Variants in GSDME observed in about 807,000 individuals in gnomAD.
The protein encoded by GSDME is gasdermin E.
GSDME carries 44 observed loss-of-function variants against 47.5 expected under a neutral mutation model. That is an observed-to-expected ratio of 0.93 (90% CI 0.73 to 1.19). The LOEUF is 1.19. GSDME is among the 50% of genes most tolerant of loss of function. GSDME has a pLI of 0.00. For synonymous variants in GSDME, 258 were observed against 252.8 expected (o/e 1.02, Z -0.20); for missense variants, 663 against 604.2 (o/e 1.10, Z -1.02).
At chr7:24,786,131 A>G in the GSDME span, among the ~76,000 whole-genome samples, 1 of 152,088 alleles carries the variant, frequency 6.6e-6, no homozygotes, top group South Asian at 2.1e-4. The surrounding 1 kb of genome is among the most constrained non-coding windows in gnomAD (Gnocchi z 5.5). Context: ...TTTAATGATA[A>G]TCTGTCCATC....
rs10269819 is a variant in GSDME at position 24,721,498 on chromosome 7, A to G, written c.405-2280T>C. 0.021 allele frequency among the ~76,000 whole-genome samples: 3,155 copies of G among 152,258 alleles called. 43 individuals carry two copies. Among genetic ancestry groups the G allele is most frequent in the Non-Finnish European group, 0.03 (2,057 of 67,996 alleles). On this transcript the variant is annotated intron_variant, in intron 3 of 9. Transcript: ENST00000645220. The surrounding 1 kb of genome is among the most constrained non-coding windows in gnomAD (Gnocchi z 4.1). ...AGCTCGAGTGAAGGGCCACCTCTGC[A>G]CCTAGGTTTTCTCGTGCATGAACTG...
intron 7 of GSDME, 63 bp from the exon 8 acceptor site, chr7:24,706,439 C>A: frequency 6.5e-7 from 1 of 1,528,992 alleles, no homozygotes. Context: ...CAGCTGGGGC[C>A]TCCGCTCACA....
At chr7:24,707,351 T>C in intron 7 of GSDME, 1 of 471,222 alleles carries the variant, frequency 2.1e-6, no homozygotes, top group South Asian at 1.5e-5. Flanking sequence ...GGCTGGAGGG[T>C]TGGCAGCTTG....
the GSDME span, among the ~76,000 whole-genome samples, chr7:24,785,416 A>G: frequency 6.6e-6 from 1 of 152,178 alleles, no homozygotes; most frequent in Non-Finnish European, 1.5e-5. Flanking sequence ...TTAATGTAAA[A>G]GGGTTTCAAT....
chr7:24,783,669 G>A, the GSDME span, among the ~76,000 whole-genome samples: 3 of 152,260 alleles, frequency 2.0e-5, no homozygotes, highest in South Asian at 6.2e-4. Context: ...AGTTGGGACT[G>A]CAGACAGGGG....
intron 8 of GSDME, 53 bp downstream of exon 8, chr7:24,706,131 C>G (rs539769259): frequency 3.1e-6 from 5 of 1,603,434 alleles, no homozygotes; most frequent in South Asian, 1.1e-5. Flanking sequence ...AGATAGTAGG[C>G]AAAGCATTTT....
chr7:24,784,338 T>C, the GSDME span, among the ~76,000 whole-genome samples: 1 of 152,080 alleles, frequency 6.6e-6, no homozygotes, highest in African/African-American at 2.4e-5. Context: ...CAAGGTGAAG[T>C]CCCACGATAG....
At chr7:24,701,810 G>C (rs775564980) in intron 9 of GSDME, among the ~76,000 whole-genome samples, 1 of 152,208 alleles carries the variant, frequency 6.6e-6, no homozygotes, top group African/African-American at 2.4e-5. Context: ...GAATCTTTCA[G>C]TTGTGATACC....
chr7:24,769,679 A>G, the GSDME span, among the ~76,000 whole-genome samples: 7 of 152,190 alleles, frequency 4.6e-5, no homozygotes, highest in Non-Finnish European at 8.8e-5. Context: ...TATTTTCCAC[A>G]GTTCCTCTTT....
chr7:24,789,863 T>C, the GSDME span, among the ~76,000 whole-genome samples: 1 of 152,192 alleles, frequency 6.6e-6, no homozygotes, highest in African/African-American at 2.4e-5. Context: ...TGCTGAAGCA[T>C]TTTGGTGAAC....
At chr7:24,707,258 C>G in intron 7 of GSDME, 1 of 466,186 alleles carries the variant, frequency 2.1e-6, no homozygotes, top group East Asian at 7.0e-5. Context: ...AATAGAAAAA[C>G]AAAAGAACAA....
In GSDME at chr7:24,719,207, A is replaced by T; in HGVS notation, c.416T>A (p.Leu139Gln). Reference protein sequence around the residue: ...IRDSAERTINLRNPVLQQVLE... With the variant: ...IRDSAERTINQRNPVLQQVLE... Reference sequence around the variant, plus strand: ...CACCTGCTGGAGCACAGGGTTTCTCAGATTTATTGTTCTGAAAAAGAAAAA... The same window carrying T: ...CACCTGCTGGAGCACAGGGTTTCTCTGATTTATTGTTCTGAAAAAGAAAAA... The change falls in exon 4 of 10, where the codon CTG (leucine) becomes CAG (glutamine). Residue 139 changes from leucine to glutamine, a missense_variant. Coordinates refer to ENST00000645220, the MANE Select transcript of GSDME (RefSeq NM_001127453.2). The T allele has an allele frequency of 6.2e-7, 1 of 1,611,808 alleles. No homozygotes were observed. Among genetic ancestry groups the T allele is most frequent in the Non-Finnish European group, 8.5e-7 (1 of 1,180,002 alleles).
At chr7:24,722,858 C>T (rs1297616909) in intron 3 of GSDME, among the ~76,000 whole-genome samples, 3 of 152,240 alleles carry the variant, frequency 2.0e-5, no homozygotes, top group Non-Finnish European at 4.4e-5. Context: ...CAGGGCAGTC[C>T]TGAGACGCTT....
At chr7:24,719,905 C>T (rs1283130694) in intron 3 of GSDME, among the ~76,000 whole-genome samples, 2 of 152,116 alleles carry the variant, frequency 1.3e-5, no homozygotes, top group Admixed American at 6.5e-5. Flanking sequence ...GGATGTCAGA[C>T]GTCACAGCCA....
chr7:24,740,437 C>T (rs1489330943), intron 3 of GSDME, among the ~76,000 whole-genome samples: 1 of 151,282 alleles, frequency 6.6e-6, no homozygotes, highest in Non-Finnish European at 1.5e-5. Flanking sequence ...TTTAGGACAC[C>T]TAAAGCCAAT....
rs548395415 is a variant in GSDME at position 24,742,774 on chromosome 7, G to T, written c.404+1788C>A. 6.6e-6 allele frequency among the ~76,000 whole-genome samples: 1 copy of T among 152,202 alleles called. No individual in the cohort carries two copies. The highest frequency in any genetic ancestry group is 1.9e-4 in the East Asian group (1 of 5,182). On this transcript the variant is annotated intron_variant, in intron 3 of 9. Transcript: ENST00000645220. This position sits in a 1 kb window ranked among gnomAD's most constrained non-coding sequence, Gnocchi z 4.4. ...CCCGCCTCCCTTTTCCCCTTCCCCA[G>T]TGCCACCAGATTTAGCAAATGAAAA...
intron 9 of GSDME, among the ~76,000 whole-genome samples, chr7:24,701,888 C>A (rs1286889631): frequency 6.6e-6 from 1 of 152,180 alleles, no homozygotes; most frequent in Non-Finnish European, 1.5e-5. Context: ...ACAAAGGCAC[C>A]AACCACATTA....
At chr7:24,781,093 AG>A in the GSDME span, among the ~76,000 whole-genome samples, 2 of 152,176 alleles carry the variant, frequency 1.3e-5, no homozygotes, top group South Asian at 2.1e-4. Context: ...CATCTTTCTC[AG>A]ATGTACTGAA....
In GSDME at chr7:24,705,977, T is replaced by G; in HGVS notation, c.1183+207A>C. ...GGGCCCTCCGGGAGAGTAGGGAGGC[T>G]TGTGCTGGATGGAAAGGCACAGACT... On this transcript the variant is annotated intron_variant, in intron 8 of 9. Transcript: ENST00000645220. This position sits in a 1 kb window ranked among gnomAD's most constrained non-coding sequence, Gnocchi z 4.1. 1.5e-6 allele frequency: 1 copy of G among 662,138 alleles called. No individual in the cohort carries two copies. The highest frequency in any genetic ancestry group is 2.7e-6 in the Non-Finnish European group (1 of 375,152). The allele number at this position is 662,138 out of a possible 1,614,324, so 41.0% of individuals were successfully genotyped here.
Sources: gnomAD v4.1 joint callset for allele counts (sites outside exome capture counted in the v4.1 genomes callset) on GRCh38, gnomAD v4.1.1 for gene constraint, Gnocchi (gnomAD v3.1) non-coding constraint, MANE v1.5 for transcripts, NCBI Gene and HGNC (gene_info 2026-07-23, HGNC 2026-07-21) for gene names.